Variants in CHST9 observed in about 807,000 individuals in gnomAD.
The protein encoded by CHST9 is carbohydrate sulfotransferase 9, also known as GalNAc-4-sulfotransferase 2.
CHST9 carries 41 observed loss-of-function variants against 44.4 expected under a neutral mutation model. That is an observed-to-expected ratio of 0.92 (90% CI 0.72 to 1.20). The LOEUF (loss-of-function observed/expected upper bound fraction) is 1.20. CHST9 is among the 50% of genes most tolerant of loss of function. The pLI is 0.00. For synonymous variants in CHST9, 171 were observed against 178.4 expected (o/e 0.96, Z 0.33); for missense variants, 504 against 516.5 (o/e 0.98, Z 0.23).
intron 2 of CHST9, among the ~76,000 whole-genome samples, chr18:27,119,180 A>G (rs1460186338): frequency 6.6e-6 from 1 of 152,162 alleles, no homozygotes; most frequent in East Asian, 1.9e-4. Context: ...TTTTTAAATG[A>G]TTAACCCACC....
intron 2 of CHST9, among the ~76,000 whole-genome samples, chr18:27,130,394 C>T (rs2058461270): frequency 6.6e-6 from 1 of 152,174 alleles, no homozygotes; most frequent in Admixed American, 6.5e-5. Flanking sequence ...GATTCTGTGT[C>T]TTATATTTAT....
chr18:27,058,953 T>C (rs1212588154), intron 2 of CHST9, among the ~76,000 whole-genome samples: 1 of 152,198 alleles, frequency 6.6e-6, no homozygotes, highest in Non-Finnish European at 1.5e-5. Flanking sequence ...TCAATATATA[T>C]TGATATTTTT....
At chr18:26,997,959 C>T (rs1598625584) in intron 4 of CHST9, among the ~76,000 whole-genome samples, 3 of 152,166 alleles carry the variant, frequency 2.0e-5, no homozygotes, top group South Asian at 2.1e-4. Flanking sequence ...TATGAAGAAG[C>T]GTTATTTTTA....
At chr18:27,110,193 C>T (rs140280674) in intron 2 of CHST9, among the ~76,000 whole-genome samples, 20 of 151,358 alleles carry the variant, frequency 1.3e-4, no homozygotes, top group South Asian at 6.3e-4. Context: ...TTTGTTTTGC[C>T]AATTTGCTAC....
intron 2 of CHST9, among the ~76,000 whole-genome samples, chr18:27,103,986 T>C (rs1024295606): frequency 1.3e-5 from 2 of 152,200 alleles, no homozygotes; most frequent in East Asian, 1.9e-4. Flanking sequence ...ATTCAACTTA[T>C]TTTAATAAAC....
At chr18:27,167,350 C>T (rs1389794035) in intron 1 of CHST9, among the ~76,000 whole-genome samples, 1 of 152,156 alleles carries the variant, frequency 6.6e-6, no homozygotes, top group Non-Finnish European at 1.5e-5. Context: ...GTCCAACTGC[C>T]CCTTCTGGTG....
At chr18:26,939,470 C>T (rs1026226569) in intron 5 of CHST9, among the ~76,000 whole-genome samples, 1 of 152,196 alleles carries the variant, frequency 6.6e-6, no homozygotes, top group Non-Finnish European at 1.5e-5. Flanking sequence ...TATGGCTTTC[C>T]ATCAGAATCA....
chr18:26,969,376 CTGTG>C (rs1208856677), intron 4 of CHST9, among the ~76,000 whole-genome samples: 2 of 95,572 alleles, frequency 2.1e-5, no homozygotes, highest in Non-Finnish European at 5.4e-5. Flanking sequence ...CTCTCTCTCT[CTGTG>C]TGTGTGTGTG....
chr18:27,035,461 T>C (rs568729126), intron 3 of CHST9, among the ~76,000 whole-genome samples: 1 of 152,212 alleles, frequency 6.6e-6, no homozygotes, highest in Non-Finnish European at 1.5e-5. Context: ...AACAGATAAA[T>C]GGATAAAGAA....
intron 2 of CHST9, among the ~76,000 whole-genome samples, chr18:27,073,323 G>A (rs1049428071): frequency 9.4e-5 from 14 of 148,620 alleles, no homozygotes; most frequent in Non-Finnish European, 1.9e-4. Context: ...ATCTCCTAAG[G>A]AGACAACCCA....
At position 27,108,795 on chromosome 18, in the gene CHST9, G is replaced by C. The variant is rs550519154; in HGVS notation, c.121+33894C>G. Among the ~76,000 whole-genome samples, 159 of 152,234 alleles carry C rather than the reference G, an allele frequency of 1.0e-3. 3 individuals carry two copies. Among genetic ancestry groups the C allele is most frequent in the Middle Eastern group, 6.8e-3 (2 of 294 alleles). On this transcript the variant is annotated intron_variant, in intron 2 of 5. Transcript: ENST00000618847. ...ATAACATAATATAAAGATACACTTA[G>C]TCTTTCATATTGGGACACAAAAATT...
intron 2 of CHST9, among the ~76,000 whole-genome samples, chr18:27,057,235 A>C (rs1166893206): frequency 6.6e-6 from 1 of 152,208 alleles, no homozygotes; most frequent in East Asian, 1.9e-4. Flanking sequence ...AATAATTCCA[A>C]AAGAAATTAT....
chr18:27,092,503 G>A (rs1019489707), intron 2 of CHST9, among the ~76,000 whole-genome samples: 1 of 151,784 alleles, frequency 6.6e-6, no homozygotes, highest in Non-Finnish European at 1.5e-5. Flanking sequence ...GAATGTGTTT[G>A]CGCTTGCTTC....
At chr18:26,993,374 T>C (rs2056847715) in intron 4 of CHST9, among the ~76,000 whole-genome samples, 1 of 152,180 alleles carries the variant, frequency 6.6e-6, no homozygotes, top group Admixed American at 6.5e-5. Context: ...AACTTTTAGG[T>C]CCAGAAATGA....
In CHST9 at chr18:27,172,877, G is replaced by A. The variant is rs187062803; in HGVS notation, c.-97+12259C>T. 1.8e-4 allele frequency among the ~76,000 whole-genome samples: 28 copies of A among 152,006 alleles called. No homozygotes were observed. The East Asian group carries it at 3.7e-3, about 20-fold the overall frequency. ...TATATTGTATGTTAAGATATAAGAA[G>A]AGCTACATGTTTTCTTTTTATCATA... On this transcript the variant is annotated intron_variant, in intron 1 of 5. Coordinates refer to ENST00000618847, the MANE Select transcript of CHST9 (RefSeq NM_031422.6).
intron 4 of CHST9, among the ~76,000 whole-genome samples, chr18:26,946,117 CA>C (rs1219529213): frequency 6.6e-6 from 1 of 152,134 alleles, no homozygotes; most frequent in Non-Finnish European, 1.5e-5. Context: ...AGGGCAATCT[CA>C]ATCAGATACT....
Position 26,911,588 on chromosome 18 carries a change from G to T in CHST9, c.*4671C>A, listed in dbSNP as rs2055441274. 6.6e-6 allele frequency: 1 copy of T among 152,198 alleles called. No individual in the cohort carries two copies. The highest frequency in any genetic ancestry group is 1.5e-5 in the Non-Finnish European group (1 of 68,026). 9.4% of individuals were successfully genotyped at this position (152,198 alleles called of 1,614,324 possible). ...AGAAATGAATGTCCAGATATATAGA[G>T]AGGGGAGCATTCCAAATATAGTGTG... On this transcript the variant is annotated 3_prime_UTR_variant, in exon 6 of 6. Transcript: ENST00000618847.
chr18:26,965,901 A>G (rs905365204), intron 4 of CHST9, among the ~76,000 whole-genome samples: 2 of 152,190 alleles, frequency 1.3e-5, no homozygotes, highest in Non-Finnish European at 2.9e-5. Flanking sequence ...AGAAGTAGAC[A>G]TTGAGGAAAC....
chr18:27,055,987 T>A (rs967558446), intron 2 of CHST9, among the ~76,000 whole-genome samples: 1 of 151,994 alleles, frequency 6.6e-6, no homozygotes, highest in African/African-American at 2.4e-5. Flanking sequence ...GTTTGGCATA[T>A]CCATAAGCCA....
Sources: gnomAD v4.1 joint callset for allele counts (sites outside exome capture counted in the v4.1 genomes callset) on GRCh38, gnomAD v4.1.1 for gene constraint, MANE v1.5 for transcripts, NCBI Gene and HGNC (gene_info 2026-07-23, HGNC 2026-07-21) for gene names.